The following PHLPP1 variants were observed in gnomAD, a reference collection of about 807,000 sequenced individuals.
PHLPP1 encodes PH domain and leucine rich repeat protein phosphatase 1.
Under a neutral mutation model 117.2 loss-of-function variants are expected in PHLPP1, and 42 were observed. The observed-to-expected ratio is 0.36, with a 90% CI of 0.28 to 0.46. The LOEUF (loss-of-function observed/expected upper bound fraction) is 0.46. Among genes scored for constraint, PHLPP1 ranks in the 20% least tolerant of loss-of-function variants. The pLI, the probability that PHLPP1 is intolerant of heterozygous loss-of-function variation, is 1.00. For missense variants in PHLPP1, 2,084 were observed against 2,241.9 expected (o/e 0.93, Z 1.42); for synonymous variants, 1,042 against 970.7 (o/e 1.07, Z -1.37).
intron 4 of PHLPP1, among the ~76,000 whole-genome samples, chr18:62,874,895 T>A (rs1431417783): frequency 6.6e-6 from 1 of 152,196 alleles, no homozygotes; most frequent in East Asian, 1.9e-4. Flanking sequence ...CTAAATGACA[T>A]TGAATGAAAT....
intron 1 of PHLPP1, among the ~76,000 whole-genome samples, chr18:62,735,797 G>T (rs1437178671): frequency 6.6e-6 from 1 of 152,016 alleles, no homozygotes; most frequent in Non-Finnish European, 1.5e-5. Context: ...ATGTAATATT[G>T]GAATAGACTA....
chr18:62,720,008 A>G (rs1910868861), intron 1 of PHLPP1, among the ~76,000 whole-genome samples: 1 of 152,214 alleles, frequency 6.6e-6, no homozygotes, highest in South Asian at 2.1e-4. Context: ...AGAGTTGTTA[A>G]TGAAAACTTG....
chr18:62,863,600 C>T (rs1260453044), intron 4 of PHLPP1, among the ~76,000 whole-genome samples: 1 of 151,828 alleles, frequency 6.6e-6, no homozygotes, highest in East Asian at 1.9e-4. Context: ...AACTAAGGGT[C>T]CCTCCCCTTT....
In PHLPP1 at chr18:62,978,863, G is replaced by C; in HGVS notation, c.4586G>C (p.Arg1529Pro). 1 of 1,606,938 alleles carries C rather than the reference G, an allele frequency of 6.2e-7. No individual in the cohort carries two copies. Among genetic ancestry groups the C allele is most frequent in the Non-Finnish European group, 8.5e-7 (1 of 1,176,808 alleles). ...ATCTGTCTGTCCAACTCCTTCCAGCGCCAGCTATCCAGCGCCACGTTCTCT... is the reference window on the plus strand; with the variant it reads ...ATCTGTCTGTCCAACTCCTTCCAGCCCCAGCTATCCAGCGCCACGTTCTCT... Reference protein sequence around the residue: ...HPICLSNSFQRQLSSATFSSA... With the variant: ...HPICLSNSFQPQLSSATFSSA... The change falls in exon 17 of 17, where the codon CGC becomes CCC. Residue 1529 changes from arginine to proline, a missense_variant. Transcript: ENST00000262719. The surrounding 1 kb of genome is among the most constrained non-coding windows in gnomAD (Gnocchi z 7.0).
intron 8 of PHLPP1, among the ~76,000 whole-genome samples, chr18:62,907,673 G>C (rs1916890993): frequency 1.6e-5 from 1 of 64,030 alleles, no homozygotes; most frequent in African/African-American, 6.1e-5. Flanking sequence ...ACGTCTGATT[G>C]GTGTACCTGA....
chr18:62,884,939 C>G (rs763733319), intron 4 of PHLPP1, among the ~76,000 whole-genome samples: 1 of 152,200 alleles, frequency 6.6e-6, no homozygotes, highest in Non-Finnish European at 1.5e-5. Context: ...AAAAATTACT[C>G]AAGACTTAGA....
At position 62,918,152 on chromosome 18, in the gene PHLPP1, G is replaced by A. The variant is rs933293652; in HGVS notation, c.2805-1807G>A. ...ACCCAGGAGGCGGAGGTTGCAGTGAGCCAAGATTGCGCCATTGCACTCCAG... is the reference window on the plus strand; with the variant it reads ...ACCCAGGAGGCGGAGGTTGCAGTGAACCAAGATTGCGCCATTGCACTCCAG... On this transcript the variant is annotated intron_variant, in intron 9 of 16. Coordinates refer to ENST00000262719, the MANE Select transcript of PHLPP1 (RefSeq NM_194449.4). Among the ~76,000 whole-genome samples, 10 of 140,808 alleles carry A rather than the reference G, an allele frequency of 7.1e-5. No individual in the cohort carries two copies. The East Asian group carries it at 2.1e-3, about 30-fold the overall frequency. The allele number at this position is 140,808 out of a possible 152,430, so 92.4% of individuals were successfully genotyped here.
intron 10 of PHLPP1, among the ~76,000 whole-genome samples, chr18:62,931,195 TA>T (rs71340136): frequency 2.1e-4 from 29 of 137,342 alleles, no homozygotes; most frequent in South Asian, 4.7e-4. Flanking sequence ...AGACTCCATC[TA>T]AAAAAAAAAA....
At chr18:62,962,064 A>T (rs557064563) in intron 13 of PHLPP1, among the ~76,000 whole-genome samples, 1 of 152,318 alleles carries the variant, frequency 6.6e-6, no homozygotes, top group South Asian at 2.1e-4. Flanking sequence ...AGAACTATGT[A>T]GGTGTTGCTT....
chr18:62,746,621 C>G (rs1329365566), intron 1 of PHLPP1, among the ~76,000 whole-genome samples: 2 of 151,808 alleles, frequency 1.3e-5, no homozygotes, highest in African/African-American at 4.8e-5. Flanking sequence ...ATATAAAGAA[C>G]ACCTGTGTAA....
intron 1 of PHLPP1, among the ~76,000 whole-genome samples, chr18:62,728,376 A>C (rs1911137786): frequency 6.6e-6 from 1 of 151,760 alleles, no homozygotes; most frequent in Non-Finnish European, 1.5e-5. Flanking sequence ...TGACTAATTT[A>C]TTTTGCATTA....
chr18:62,934,169 A>C (rs1909901362), intron 10 of PHLPP1, among the ~76,000 whole-genome samples: 1 of 152,194 alleles, frequency 6.6e-6, no homozygotes, highest in African/African-American at 2.4e-5. Flanking sequence ...AGATTTCTCA[A>C]AGAGCTAAAA....
rs918173711 is a variant in PHLPP1, at chr18:62,963,299, G to A, written c.3456-69G>A. On this transcript the variant is annotated intron_variant, in intron 13 of 16. Coordinates refer to ENST00000262719, the MANE Select transcript of PHLPP1 (RefSeq NM_194449.4). ...TTAACAGGTGTATTTTTTATTTCTT[G>A]GATAAAGGTAGCAATTTGCACACAT... is the stretch of plus-strand genomic sequence containing the variant. The A allele has an allele frequency of 2.9e-5, 29 of 1,003,984 alleles. No individual in the cohort carries two copies. In the African/African-American group the frequency reaches 4.0e-4, roughly 14 times the overall value. The allele number at this position is 1,003,984 out of a possible 1,614,324, so 62.2% of individuals were successfully genotyped here.
intron 1 of PHLPP1, among the ~76,000 whole-genome samples, chr18:62,763,527 G>A (rs1482963477): frequency 6.6e-6 from 1 of 152,132 alleles, no homozygotes; most frequent in East Asian, 1.9e-4. Flanking sequence ...CTGAACTGCT[G>A]TCGCTCATCG....
rs1233614706 is a variant in PHLPP1 at position 62,903,151 on chromosome 18, T to C, written c.2632T>C (p.Tyr878His). ...CTGTGGCTATTTCCTAAAAGCGCTCTATGCCTCTTCTAATGGTATGTATCA... is the reference window on the plus strand; with the variant it reads ...CTGTGGCTATTTCCTAAAAGCGCTCCATGCCTCTTCTAATGGTATGTATCA... Reference protein sequence around the residue: ...DICGYFLKALYASSNELVQLD... With the variant: ...DICGYFLKALHASSNELVQLD... Residue 878 changes from tyrosine to histidine, a missense_variant, in exon 7 of 17, where the codon TAT becomes CAT. By Grantham distance (83) the Tyr-to-His change is moderately conservative (BLOSUM62 2). This residue lies in a region of PHLPP1 where 1,365 missense variants were observed against 1,605.9 expected (regional missense o/e 0.85). Coordinates refer to ENST00000262719, the MANE Select transcript of PHLPP1 (RefSeq NM_194449.4). 6.2e-7 allele frequency: 1 copy of C among 1,610,460 alleles called. No individual in the cohort carries two copies. Among genetic ancestry groups the C allele is most frequent in the Non-Finnish European group, 8.5e-7 (1 of 1,177,436 alleles).
At chr18:62,905,149 C>T (rs993599133) in intron 7 of PHLPP1, 75 bp from the exon 8 acceptor site, 18 of 763,230 alleles carry the variant, frequency 2.4e-5, no homozygotes, top group African/African-American at 1.1e-4. Flanking sequence ...ACAGTAATGA[C>T]GTTCCACATA....
At chr18:62,871,830 A>G (rs963699380) in intron 4 of PHLPP1, among the ~76,000 whole-genome samples, 5 of 151,672 alleles carry the variant, frequency 3.3e-5, no homozygotes, top group African/African-American at 1.2e-4. Context: ...TTTTTAGTAG[A>G]GATGGGGTTT....
At chr18:62,773,378 A>AT (rs1004060940) in intron 1 of PHLPP1, among the ~76,000 whole-genome samples, 3 of 152,090 alleles carry the variant, frequency 2.0e-5, no homozygotes, top group Admixed American at 6.6e-5. Flanking sequence ...GTACTTCATG[A>AT]TTTTTTTTGG....
At chr18:62,951,505 A>T (rs574183663) in intron 12 of PHLPP1, among the ~76,000 whole-genome samples, 1 of 152,156 alleles carries the variant, frequency 6.6e-6, no homozygotes, top group Non-Finnish European at 1.5e-5. Context: ...TCCTCAGAAG[A>T]AGTGATCTGT....
Sources: allele counts gnomAD v4.1 joint callset (sites outside exome capture counted in the v4.1 genomes callset), GRCh38; gene constraint gnomAD v4.1.1; regional missense constraint gnomAD v4.1.1; non-coding constraint Gnocchi (gnomAD v3.1); transcripts MANE v1.5; gene names NCBI Gene and HGNC (gene_info 2026-07-23, HGNC 2026-07-21).